Variants in SDK1 observed in about 807,000 individuals in gnomAD.
SDK1 encodes sidekick cell adhesion molecule 1.
In SDK1, 157 loss-of-function variants were observed where a neutral mutation model predicts 245.5. The ratio of observed to expected loss-of-function variants is 0.64; its 90% confidence interval spans 0.56 to 0.73. The LOEUF (loss-of-function observed/expected upper bound fraction) is 0.73. Ranked by LOEUF, SDK1 falls within the 30% of genes least tolerant of loss-of-function variation. The pLI, the probability that SDK1 is intolerant of heterozygous loss-of-function variation, is 0.00. For missense variants in SDK1, 3,583 were observed against 3,002.3 expected (o/e 1.19, Z -4.52); for synonymous variants, 1,647 against 1,278.5 (o/e 1.29, Z -6.15).
rs113039083 is a variant in SDK1 at position 4,175,370 on chromosome 7, C to T, written c.4937-405C>T. Among the ~76,000 whole-genome samples, 552 of 152,358 alleles carry T rather than the reference C, an allele frequency of 3.6e-3. 5 individuals carry two copies. The highest frequency in any genetic ancestry group is 0.013 in the African/African-American group (520 of 41,592). ...GGCTGGGCTTACGCACCTGGTCGCGCAGCTCTCCCTGAGGTGGTTTGCTCG... is the reference window on the plus strand; with the variant it reads ...GGCTGGGCTTACGCACCTGGTCGCGTAGCTCTCCCTGAGGTGGTTTGCTCG... On this transcript the variant is annotated intron_variant, in intron 33 of 44. Transcript: ENST00000404826.
intron 4 of SDK1, among the ~76,000 whole-genome samples, chr7:3,730,424 A>G (rs935031703): frequency 1.3e-5 from 2 of 152,166 alleles, no homozygotes; most frequent in African/African-American, 2.4e-5. Flanking sequence ...TTCTGGGACC[A>G]TCTGTGTCTA....
intron 32 of SDK1, 149 bp from the exon 33 acceptor site, chr7:4,174,073 T>C: frequency 1.3e-6 from 1 of 782,024 alleles, no homozygotes; most frequent in Non-Finnish European, 2.1e-6. Context: ...GCTGCCTGGG[T>C]TCGTCTTGAT....
chr7:4,151,859 C>A (rs1780403044), intron 30 of SDK1, among the ~76,000 whole-genome samples: 1 of 152,162 alleles, frequency 6.6e-6, no homozygotes, highest in African/African-American at 2.4e-5. Flanking sequence ...AGGGATATTT[C>A]CTGAGGTTTT....
At chr7:3,548,961 G>C (rs541203312) in intron 1 of SDK1, among the ~76,000 whole-genome samples, 1 of 152,196 alleles carries the variant, frequency 6.6e-6, no homozygotes, top group Non-Finnish European at 1.5e-5. Context: ...AACAACAGTA[G>C]GGTTTTACTC....
At chr7:4,232,613 A>G (rs1785867593) in intron 40 of SDK1, among the ~76,000 whole-genome samples, 1 of 151,844 alleles carries the variant, frequency 6.6e-6, no homozygotes, top group Admixed American at 6.6e-5. Flanking sequence ...CCACAGGTGC[A>G]TGCCACCATG....
intron 1 of SDK1, among the ~76,000 whole-genome samples, chr7:3,324,384 C>A (rs1317494021): frequency 1.3e-5 from 2 of 152,126 alleles, no homozygotes; most frequent in Non-Finnish European, 2.9e-5. Context: ...CTTACCTACT[C>A]AATAGCTCCC....
chr7:3,726,868 T>C (rs1171010158), intron 4 of SDK1, among the ~76,000 whole-genome samples: 1 of 152,236 alleles, frequency 6.6e-6, no homozygotes, highest in East Asian at 1.9e-4. Flanking sequence ...TGAAACACCT[T>C]TCTACTGTGT....
chr7:3,513,478 A>G (rs1349495057), intron 1 of SDK1, among the ~76,000 whole-genome samples: 1 of 152,212 alleles, frequency 6.6e-6, no homozygotes, highest in Non-Finnish European at 1.5e-5. Context: ...ATTTCAGTGC[A>G]ATAGAAGAAA....
At chr7:4,077,698 G>T (rs1220840366) in intron 21 of SDK1, among the ~76,000 whole-genome samples, 1 of 152,162 alleles carries the variant, frequency 6.6e-6, no homozygotes, top group African/African-American at 2.4e-5. Flanking sequence ...GAGAGCCCGT[G>T]CAAGGAAACT....
At chr7:3,560,971 C>G (rs540625394) in intron 1 of SDK1, among the ~76,000 whole-genome samples, 3 of 152,304 alleles carry the variant, frequency 2.0e-5, no homozygotes, top group Non-Finnish European at 2.9e-5. Context: ...CGCACCAACC[C>G]CCAAACATAA....
At chr7:3,972,838 A>G (rs1474416977) in intron 12 of SDK1, among the ~76,000 whole-genome samples, 3 of 152,164 alleles carry the variant, frequency 2.0e-5, no homozygotes, top group African/African-American at 7.2e-5. Context: ...CAGAATCCAA[A>G]TTTGGTTTAG....
intron 4 of SDK1, among the ~76,000 whole-genome samples, chr7:3,655,307 C>G (rs1783128625): frequency 6.6e-6 from 1 of 150,812 alleles, no homozygotes; most frequent in Non-Finnish European, 1.5e-5. Context: ...GTGGCGGGTG[C>G]TTGTAATCCC....
intron 5 of SDK1, among the ~76,000 whole-genome samples, chr7:3,950,243 G>C (rs1780748174): frequency 6.6e-6 from 1 of 152,186 alleles, no homozygotes; most frequent in Non-Finnish European, 1.5e-5. Flanking sequence ...GTCTGAGAAA[G>C]GCCAGGGACA....
chr7:3,470,536 T>C (rs1288769072), intron 1 of SDK1, among the ~76,000 whole-genome samples: 1 of 151,832 alleles, frequency 6.6e-6, no homozygotes, highest in Admixed American at 6.6e-5. Flanking sequence ...GAAGTCTGCT[T>C]TGAGGTTCTT....
At chr7:3,492,148 C>G (rs761526142) in intron 1 of SDK1, among the ~76,000 whole-genome samples, 7 of 152,200 alleles carry the variant, frequency 4.6e-5, no homozygotes, top group Non-Finnish European at 1.0e-4. Context: ...TGCTAGGGAA[C>G]TTAGTAAGTG....
intron 4 of SDK1, among the ~76,000 whole-genome samples, chr7:3,676,555 G>C (rs1304929612): frequency 3.3e-5 from 5 of 152,042 alleles, no homozygotes; most frequent in Non-Finnish European, 7.4e-5. Context: ...TCAATCTCCT[G>C]ACCTTGTGAT....
At chr7:3,712,397 C>T (rs899406019) in intron 4 of SDK1, among the ~76,000 whole-genome samples, 1 of 152,164 alleles carries the variant, frequency 6.6e-6, no homozygotes. Flanking sequence ...AAAACAAGTT[C>T]AGAGCTTCCA....
intron 28 of SDK1, among the ~76,000 whole-genome samples, chr7:4,134,078 G>A (rs1388392344): frequency 1.3e-5 from 2 of 152,166 alleles, no homozygotes; most frequent in African/African-American, 2.4e-5. Context: ...TAATCACTCC[G>A]GCAGCCTGAG....
intron 1 of SDK1, among the ~76,000 whole-genome samples, chr7:3,342,542 C>T (rs369323397): frequency 3.3e-5 from 5 of 151,764 alleles, no homozygotes; most frequent in South Asian, 2.1e-4. Context: ...GAGCCGAGAT[C>T]GCATCGTTGC....
Sources: gnomAD v4.1 joint callset for allele counts (sites outside exome capture counted in the v4.1 genomes callset) on GRCh38, gnomAD v4.1.1 for gene constraint, MANE v1.5 for transcripts, NCBI Gene and HGNC (gene_info 2026-07-23, HGNC 2026-07-21) for gene names.